Variants in TUBB8B observed in about 807,000 individuals in gnomAD.
The protein encoded by TUBB8B is tubulin beta 8B, also known as HSA18p11 beta-tubulin 4Q pseudogene.
A neutral mutation model predicts 31.9 loss-of-function variants in TUBB8B; 26 were observed. The ratio of observed to expected loss-of-function variants is 0.81; its 90% CI spans 0.60 to 1.13. The LOEUF is 1.13. TUBB8B is among the 50% of genes most tolerant of loss of function. The probability of loss-of-function intolerance (pLI) is 0.00; values close to 1 mark genes in which losing one functional copy is unlikely to be tolerated. For missense variants in TUBB8B, 467 were observed against 586.7 expected (o/e 0.80, Z 2.11); for synonymous variants, 173 against 231.0 (o/e 0.75, Z 2.28).
chr18:47,487 C>T lies in TUBB8B; in HGVS notation c.1238G>A (p.Ser413Asn), dbSNP rs557071884. ...MDEMEFTEAE[S>N]NMNDLVSEYQ... The stretch of plus-strand genomic sequence containing the variant: ...TTCAGACACCAGGTCGTTCATGTTG[C>T]TCTCGGCCTCGGTGAATTCCATCTC... The change falls in exon 4 of 4, where the codon AGC (serine) becomes AAC (asparagine). Residue 413 changes from serine (S) to asparagine (N), a missense_variant. Transcript: ENST00000308911. 31 of 1,550,494 alleles carry T rather than the reference C, an allele frequency of 2.0e-5. No individual in the cohort carries two copies. In the South Asian group the frequency reaches 2.8e-4, roughly 14 times the overall value.
chr18:55,127 A>C, the TUBB8B span, among the ~76,000 whole-genome samples: 5 of 151,798 alleles, frequency 3.3e-5, no homozygotes, highest in African/African-American at 1.2e-4. Flanking sequence ...ATTGAGATGA[A>C]GTCTTGCTCT....
the TUBB8B span, among the ~76,000 whole-genome samples, chr18:55,289 C>G: frequency 6.6e-6 from 1 of 151,526 alleles, no homozygotes; most frequent in Non-Finnish European, 1.5e-5. Context: ...TTAGTGGAGA[C>G]GGGGTTTCAC....
At chr18:49,867 C>T (rs1906001373), upstream of TUBB8B, 1 of 544,212 alleles carries the variant, frequency 1.8e-6, no homozygotes, top group African/African-American at 1.9e-5. Flanking sequence ...TGAGCTGAAA[C>T]TGAATTTTCC....
the TUBB8B span, among the ~76,000 whole-genome samples, chr18:71,272 G>T: frequency 6.6e-6 from 1 of 151,764 alleles, no homozygotes; most frequent in African/African-American, 2.4e-5. Context: ...TAAAGGCTGG[G>T]TACAGTGGCT....
intron 1 of TUBB8B, 119 bp downstream of exon 1, chr18:49,382 A>C (rs1219675713): frequency 2.4e-5 from 18 of 745,800 alleles, no homozygotes; most frequent in East Asian, 2.2e-4. Flanking sequence ...ACCCGGTTCC[A>C]CCGTCCCCGG....
At chr18:51,505 T>C (rs199860769), upstream of TUBB8B, among the ~76,000 whole-genome samples, 107 of 135,026 alleles carry the variant, frequency 7.9e-4, no homozygotes, top group South Asian at 9.4e-4. Context: ...ATTATCATGA[T>C]CTTGGCTCAC....
chr18:70,609 T>C, the TUBB8B span, among the ~76,000 whole-genome samples: 2 of 152,100 alleles, frequency 1.3e-5, no homozygotes, highest in Non-Finnish European at 2.9e-5. Context: ...CACCCTAGCC[T>C]GAGCAACAGA....
At chr18:60,802 G>A in the TUBB8B span, among the ~76,000 whole-genome samples, 1 of 151,476 alleles carries the variant, frequency 6.6e-6, no homozygotes, top group Non-Finnish European at 1.5e-5. Flanking sequence ...TTTCTAGTTT[G>A]TTCCATTGTG....
upstream of TUBB8B, among the ~76,000 whole-genome samples, chr18:50,716 T>C (rs1906059897): frequency 6.6e-6 from 1 of 151,892 alleles, no homozygotes; most frequent in Non-Finnish European, 1.5e-5. Flanking sequence ...GGCCCATTTT[T>C]GTTCTTCTTC....
At chr18:72,196 A>AAAAAAAAAAAAAAAACAAC in the TUBB8B span, among the ~76,000 whole-genome samples, 295 of 84,394 alleles carry the variant, frequency 3.5e-3, 13 homozygotes, top group African/African-American at 0.011. Context: ...AAAAAAAAAA[A>AAAAAAAAAAAAAAAACAAC]AAAGGAAAAA....
upstream of TUBB8B, among the ~76,000 whole-genome samples, chr18:53,063 A>C (rs1180809525): frequency 6.6e-6 from 1 of 151,790 alleles, no homozygotes; most frequent in Non-Finnish European, 1.5e-5. Context: ...GATGTCTTGT[A>C]TGGCCATAAA....
the TUBB8B span, among the ~76,000 whole-genome samples, chr18:66,778 C>G: frequency 7.1e-6 from 1 of 141,106 alleles, no homozygotes; most frequent in Non-Finnish European, 1.5e-5. Context: ...ATATAAATGA[C>G]AGGATCAGCC....
chr18:48,871 C>A, intron 3 of TUBB8B, 69 bp downstream of exon 3: 1 of 1,117,286 alleles, frequency 9.0e-7, no homozygotes, highest in African/African-American at 1.5e-5. Context: ...ACAGGATGAC[C>A]TTGGGCACTC....
the TUBB8B span, among the ~76,000 whole-genome samples, chr18:62,929 A>C: frequency 6.6e-6 from 1 of 151,696 alleles, no homozygotes; most frequent in African/African-American, 2.4e-5. Flanking sequence ...AGTAACTCTG[A>C]TGCATTCTTC....
chr18:66,139 G>T, the TUBB8B span, among the ~76,000 whole-genome samples: 3 of 152,010 alleles, frequency 2.0e-5, no homozygotes, highest in Non-Finnish European at 4.4e-5. Context: ...AGAGGAGAGA[G>T]GATTAATTGA....
chr18:52,709 G>T (rs367983068), upstream of TUBB8B, among the ~76,000 whole-genome samples: 1 of 151,862 alleles, frequency 6.6e-6, no homozygotes. Flanking sequence ...TCCTGATACA[G>T]ACCACAAAGT....
At chr18:58,866 G>C in the TUBB8B span, among the ~76,000 whole-genome samples, 2 of 151,766 alleles carry the variant, frequency 1.3e-5, no homozygotes, top group Non-Finnish European at 2.9e-5. Flanking sequence ...CTGTAGAGAA[G>C]ACACAGCACT....
chr18:58,350 A>T, the TUBB8B span, among the ~76,000 whole-genome samples: 1 of 151,730 alleles, frequency 6.6e-6, no homozygotes, highest in African/African-American at 2.4e-5. Context: ...ACATGTGAGC[A>T]TAGGTTGTTA....
chr18:58,472 A>C, the TUBB8B span, among the ~76,000 whole-genome samples: 1 of 151,850 alleles, frequency 6.6e-6, no homozygotes, highest in South Asian at 2.1e-4. Flanking sequence ...GGCATAACAG[A>C]AATTCAGCCA....
Sources: gnomAD v4.1 joint callset for allele counts (sites outside exome capture counted in the v4.1 genomes callset) on GRCh38, gnomAD v4.1.1 for gene constraint, MANE v1.5 for transcripts, NCBI Gene and HGNC (gene_info 2026-07-23, HGNC 2026-07-21) for gene names.